The following UBTD2 variants were observed in gnomAD, a reference collection of about 807,000 sequenced individuals.
The protein encoded by UBTD2 is ubiquitin domain-containing protein 2.
Under a neutral mutation model 19.8 loss-of-function variants are expected in UBTD2, and 9 were observed. The ratio of observed to expected loss-of-function variants is 0.46; its 90% CI spans 0.27 to 0.79. UBTD2 has a LOEUF of 0.79. Among genes scored for constraint, UBTD2 ranks in the 30% least tolerant of loss-of-function variants. The pLI is 0.14. For missense variants in UBTD2, 250 were observed against 300.4 expected (o/e 0.83, Z 1.24); for synonymous variants, 98 against 103.9 (o/e 0.94, Z 0.35).
chr5:172,275,644 A>G (rs577357512), intron 1 of UBTD2, among the ~76,000 whole-genome samples: 28 of 152,260 alleles, frequency 1.8e-4, no homozygotes, highest in African/African-American at 6.5e-4. Context: ...ACTTATTAGC[A>G]GTCACTCACT....
At chr5:172,217,271 T>C (rs1771562103) in intron 2 of UBTD2, among the ~76,000 whole-genome samples, 1 of 150,124 alleles carries the variant, frequency 6.7e-6, no homozygotes, top group South Asian at 2.1e-4. Flanking sequence ...AAAAAAAAAT[T>C]AGCCAGGCAT....
chr5:172,261,545 G>A (rs997939499), intron 1 of UBTD2, among the ~76,000 whole-genome samples: 1 of 152,174 alleles, frequency 6.6e-6, no homozygotes, highest in African/African-American at 2.4e-5. Context: ...CACAAGGAAA[G>A]ATGAGCAGGA....
intron 1 of UBTD2, among the ~76,000 whole-genome samples, chr5:172,240,984 TAAG>T (rs1274945915): frequency 6.6e-6 from 1 of 152,116 alleles, no homozygotes; most frequent in Non-Finnish European, 1.5e-5. Context: ...CTGCAACTTT[TAAG>T]TAGTATATAA....
chr5:172,215,152 A>AC (rs1044717829), intron 2 of UBTD2, among the ~76,000 whole-genome samples: 1 of 152,226 alleles, frequency 6.6e-6, no homozygotes, highest in Non-Finnish European at 1.5e-5. Context: ...CTCCATGGGG[A>AC]CTTGGTGAAG....
intron 1 of UBTD2, among the ~76,000 whole-genome samples, chr5:172,265,565 G>A (rs1182193650): frequency 6.6e-6 from 1 of 152,178 alleles, no homozygotes; most frequent in East Asian, 1.9e-4. Flanking sequence ...TCCTGACCTT[G>A]TGATCCGACC....
At chr5:172,218,773 A>AC in intron 2 of UBTD2, among the ~76,000 whole-genome samples, 1 of 123,048 alleles carries the variant, frequency 8.1e-6, no homozygotes, top group Non-Finnish European at 1.7e-5. Context: ...AGACCCTGTC[A>AC]CCAAAAAAAA....
chr5:172,212,022 T>C lies in UBTD2; in HGVS notation c.513A>G (p.Thr171=). The C allele has an allele frequency of 1.2e-6, 2 of 1,614,242 alleles. No homozygotes were observed. The highest frequency in any genetic ancestry group is 1.7e-6 in the Non-Finnish European group (2 of 1,180,030). The part of the protein sequence containing the change: ...GKDLKLVVRS[T]DTVFHMKRRL... ...GTCTCTTCATGTGGAATACTGTGTCTGTGCTGCGAACCACAAGCTTGAGGT... is the reference window on the plus strand; with the variant it reads ...GTCTCTTCATGTGGAATACTGTGTCCGTGCTGCGAACCACAAGCTTGAGGT... Residue 171 remains threonine, a synonymous_variant, in exon 3 of 3, where the codon ACA becomes ACG. Transcript: ENST00000393792.
intron 2 of UBTD2, among the ~76,000 whole-genome samples, chr5:172,217,289 G>T (rs1364414910): frequency 6.6e-6 from 1 of 151,604 alleles, no homozygotes; most frequent in Non-Finnish European, 1.5e-5. Flanking sequence ...CATGGTGGTG[G>T]GTGCTTATAA....
intron 1 of UBTD2, among the ~76,000 whole-genome samples, chr5:172,236,887 G>C (rs780065322): frequency 1.6e-4 from 25 of 152,180 alleles, no homozygotes; most frequent in Non-Finnish European, 2.8e-4. Context: ...ACTTTGAAAA[G>C]AGGAAGCCAA....
rs139627451 is a variant in UBTD2, at chr5:172,234,100, C to A, written c.307+22G>T. 4.6e-4 allele frequency: 742 copies of A among 1,609,852 alleles called. 5 individuals are homozygous for A. The African/African-American group carries it at 8.9e-3, about 19-fold the overall frequency. ...ACAAAGTTGATTATGTTTCCTCTGT[C>A]CTTGAGGAACACCAAACCTACCATG... On this transcript the variant is annotated intron_variant, in intron 2 of 2. Coordinates refer to ENST00000393792, the MANE Select transcript of UBTD2 (RefSeq NM_152277.3).
At chr5:172,257,614 T>C (rs1755183922) in intron 1 of UBTD2, among the ~76,000 whole-genome samples, 1 of 152,226 alleles carries the variant, frequency 6.6e-6, no homozygotes, top group Admixed American at 6.5e-5. Context: ...CATTCCCTTT[T>C]CTCCACAACC....
At chr5:172,242,636 A>C (rs1772155148) in intron 1 of UBTD2, among the ~76,000 whole-genome samples, 1 of 152,214 alleles carries the variant, frequency 6.6e-6, no homozygotes, top group South Asian at 2.1e-4. Context: ...ACACATGAGA[A>C]GGCTAAGTTT....
chr5:172,282,288 G>A (rs572964044), intron 1 of UBTD2, among the ~76,000 whole-genome samples: 78 of 152,280 alleles, frequency 5.1e-4, no homozygotes, highest in African/African-American at 1.7e-3. Context: ...CAATATGCCA[G>A]TAATAATGCT....
intron 1 of UBTD2, among the ~76,000 whole-genome samples, chr5:172,267,081 C>T (rs554614325): frequency 1.0e-4 from 15 of 150,474 alleles, no homozygotes; most frequent in Non-Finnish European, 1.9e-4. Flanking sequence ...AGAATCTTAC[C>T]GTATGATTTT....
intron 1 of UBTD2, among the ~76,000 whole-genome samples, chr5:172,250,533 CAA>C (rs1338558785): frequency 3.3e-5 from 5 of 151,818 alleles, no homozygotes; most frequent in African/African-American, 1.2e-4. Context: ...CATGAGAAGA[CAA>C]AAAAGTCTTA....
intron 1 of UBTD2, chr5:172,242,528 C>G (rs1772152982): frequency 1.2e-5 from 8 of 646,292 alleles, no homozygotes; most frequent in Non-Finnish European, 1.5e-5. Context: ...TTTGTATTAA[C>G]CTATAAATAG....
chr5:172,275,322 G>T (rs781378923), intron 1 of UBTD2, among the ~76,000 whole-genome samples: 9 of 152,144 alleles, frequency 5.9e-5, no homozygotes. Flanking sequence ...CCCATGACAC[G>T]TGGAGATTAT....
rs1755766464 is a variant in UBTD2, at chr5:172,283,482, G to A, written c.70+114C>T. 3 of 777,102 alleles carry A rather than the reference G, an allele frequency of 3.9e-6. No individual in the cohort carries two copies. The highest frequency in any genetic ancestry group is 1.2e-4 in the South Asian group (2 of 16,978). 48.1% of individuals were successfully genotyped at this position (777,102 alleles called of 1,614,324 possible). On this transcript the variant is annotated intron_variant, in intron 1 of 2. Transcript: ENST00000393792. The surrounding 1 kb of genome is among the most constrained non-coding windows in gnomAD (Gnocchi z 4.3). ...GCGGAGCGCGGGGAATGACGTGGAA[G>A]AGGGGATGACAAAGGGGCGCGGGGG...
chr5:172,240,729 C>T (rs1313802744), intron 1 of UBTD2, among the ~76,000 whole-genome samples: 1 of 152,072 alleles, frequency 6.6e-6, no homozygotes, highest in Non-Finnish European at 1.5e-5. Context: ...TTAAGTCCTC[C>T]CCACTCCACA....
Sources: allele counts gnomAD v4.1 joint callset (sites outside exome capture counted in the v4.1 genomes callset), GRCh38; gene constraint gnomAD v4.1.1; non-coding constraint Gnocchi (gnomAD v3.1); transcripts MANE v1.5; gene names NCBI Gene and HGNC (gene_info 2026-07-23, HGNC 2026-07-21).